SLIT3: variants seen among roughly 807,000 people sequenced by gnomAD.
SLIT3 encodes the protein slit guidance ligand 3.
In SLIT3, 68 loss-of-function variants were observed where a neutral mutation model predicts 184.0. The ratio of observed to expected loss-of-function variants is 0.37; its 90% confidence interval spans 0.30 to 0.45. The LOEUF (loss-of-function observed/expected upper bound fraction) is 0.45. SLIT3 is among the 20% of genes least tolerant of loss of function. The pLI is 1.00. For missense variants in SLIT3, 1,707 were observed against 2,026.0 expected (o/e 0.84, Z 3.02); for synonymous variants, 831 against 828.6 (o/e 1.00, Z -0.05).
At chr5:169,042,126 C>T (rs780554998) in intron 4 of SLIT3, among the ~76,000 whole-genome samples, 3 of 152,130 alleles carry the variant, frequency 2.0e-5, no homozygotes, top group Non-Finnish European at 4.4e-5. Context: ...TAGAACGGTC[C>T]AGTTCATAAG....
chr5:169,076,703 ACT>A (rs1758757064), intron 4 of SLIT3, among the ~76,000 whole-genome samples: 1 of 151,770 alleles, frequency 6.6e-6, no homozygotes, highest in African/African-American at 2.4e-5. Context: ...GTCCTTGAAA[ACT>A]CTAGAACTGG....
chr5:169,166,971 A>G (rs923007742), intron 4 of SLIT3, among the ~76,000 whole-genome samples: 13 of 152,074 alleles, frequency 8.5e-5, no homozygotes, highest in Admixed American at 7.2e-4. Context: ...GTTTGAGAAA[A>G]GCCTGAGCAA....
chr5:169,187,430 C>T (rs1215815110), intron 4 of SLIT3, among the ~76,000 whole-genome samples: 1 of 152,032 alleles, frequency 6.6e-6, no homozygotes, highest in African/African-American at 2.4e-5. Context: ...AGTTTTAAAC[C>T]ATTACCAAAT....
intron 4 of SLIT3, among the ~76,000 whole-genome samples, chr5:169,106,894 C>T (rs1760233423): frequency 6.6e-6 from 1 of 152,202 alleles, no homozygotes; most frequent in Admixed American, 6.5e-5. Flanking sequence ...CAGTAGTACC[C>T]TGTAGAATCT....
intron 4 of SLIT3, among the ~76,000 whole-genome samples, chr5:168,899,941 G>A (rs1760809314): frequency 1.3e-5 from 2 of 152,130 alleles, no homozygotes; most frequent in South Asian, 2.1e-4. Context: ...CTGAGGAATG[G>A]TGGCTCCACA....
Position 168,868,641 on chromosome 5 carries a change from G to A in SLIT3, c.485+14624C>T, listed in dbSNP as rs1396546231. Reference sequence around the variant, plus strand: ...CGGGCACCTGTAATCCTAGCTACTCGGGAGACTGAGGCAGGAGAATCTTTT... The same window carrying A: ...CGGGCACCTGTAATCCTAGCTACTCAGGAGACTGAGGCAGGAGAATCTTTT... On this transcript the variant is annotated intron_variant, in intron 5 of 35. Transcript: ENST00000519560. Among the ~76,000 whole-genome samples, 10 of 151,374 alleles carry A rather than the reference G, an allele frequency of 6.6e-5. 2 individuals are homozygous for A. The highest frequency in any genetic ancestry group is 5.8e-4 in the East Asian group (3 of 5,136).
chr5:169,100,396 T>G (rs1759964515), intron 4 of SLIT3, among the ~76,000 whole-genome samples: 1 of 151,982 alleles, frequency 6.6e-6, no homozygotes, highest in Non-Finnish European at 1.5e-5. Context: ...TACCTATTAG[T>G]CAAATGGGGA....
At chr5:168,795,975 A>G (rs961292895) in intron 9 of SLIT3, among the ~76,000 whole-genome samples, 1 of 152,232 alleles carries the variant, frequency 6.6e-6, no homozygotes, top group Non-Finnish European at 1.5e-5. Context: ...AGCAATGCTT[A>G]TCTGTCATGG....
intron 4 of SLIT3, among the ~76,000 whole-genome samples, chr5:169,098,722 T>C (rs910182134): frequency 3.3e-5 from 5 of 152,024 alleles, no homozygotes; most frequent in African/African-American, 1.2e-4. Flanking sequence ...GATGAAGACG[T>C]CATTTGATCA....
chr5:169,179,651 C>T (rs907572383), intron 4 of SLIT3, among the ~76,000 whole-genome samples: 2 of 151,854 alleles, frequency 1.3e-5, no homozygotes, highest in African/African-American at 2.4e-5. Context: ...TAGTTTTATT[C>T]TCATTTGTGT....
At chr5:168,684,918 C>T (rs776408297) in intron 31 of SLIT3, among the ~76,000 whole-genome samples, 10 of 152,016 alleles carry the variant, frequency 6.6e-5, no homozygotes, top group Admixed American at 1.3e-4. Flanking sequence ...GAATCTCTTG[C>T]GGGTGGGGCC....
In SLIT3 at chr5:169,196,995, A is replaced by G. The variant is rs78935883; in HGVS notation, c.342-3445T>C. ...AACCAACACTCCATTCCAGGCAAAA[A>G]TCCTAAAACCCAGCTTGCTGCTGTC... On this transcript the variant is annotated intron_variant, in intron 3 of 35. Coordinates refer to ENST00000519560, the MANE Select transcript of SLIT3 (RefSeq NM_003062.4). Among the ~76,000 whole-genome samples, 1,146 of 152,184 alleles carry G rather than the reference A, an allele frequency of 7.5e-3. 30 individuals are homozygous for G. Among genetic ancestry groups the G allele is most frequent in the East Asian group, 0.049 (256 of 5,182 alleles).
intron 4 of SLIT3, among the ~76,000 whole-genome samples, chr5:168,975,460 C>G (rs376315189): frequency 6.6e-6 from 1 of 152,040 alleles, no homozygotes; most frequent in East Asian, 1.9e-4. Context: ...CAGACACCCC[C>G]CCACACACAC....
At chr5:168,956,875 C>A (rs1762844317) in intron 4 of SLIT3, among the ~76,000 whole-genome samples, 1 of 151,918 alleles carries the variant, frequency 6.6e-6, no homozygotes, top group Non-Finnish European at 1.5e-5. Flanking sequence ...CCTAATTTTA[C>A]CTCATCCCAG....
intron 23 of SLIT3, among the ~76,000 whole-genome samples, chr5:168,714,514 C>G (rs1389866096): frequency 6.6e-6 from 1 of 152,146 alleles, no homozygotes; most frequent in Non-Finnish European, 1.5e-5. Context: ...ACCCAGGAGG[C>G]AGAGGTTACA....
intron 3 of SLIT3, among the ~76,000 whole-genome samples, chr5:169,194,868 G>T (rs1050986104): frequency 6.6e-6 from 1 of 152,184 alleles, no homozygotes; most frequent in Admixed American, 6.5e-5. Flanking sequence ...CTCCATGAAG[G>T]CTGCTTTCTT....
intron 1 of SLIT3, among the ~76,000 whole-genome samples, chr5:169,294,519 G>A (rs757806385): frequency 3.3e-5 from 5 of 152,230 alleles, no homozygotes; most frequent in African/African-American, 4.8e-5. Context: ...AGGCAGGCAA[G>A]GAAGTCGCTT....
chr5:169,080,074 TAAGGACAA>T lies in SLIT3; in HGVS notation c.413+113397_413+113404del, dbSNP rs938684868. 1.2e-4 allele frequency among the ~76,000 whole-genome samples: 19 copies of T among 152,026 alleles called. No homozygotes were observed. In the East Asian group the frequency reaches 3.1e-3, roughly 25 times the overall value. On this transcript the variant is annotated intron_variant, in intron 4 of 35. Coordinates refer to ENST00000519560, the MANE Select transcript of SLIT3 (RefSeq NM_003062.4). Reference sequence around the variant, plus strand: ...GAGAGAGATGGGCTCAACTCCAATATAAGGACAAGTGGACATGTATAGCTAAGGAGCAG... The same window carrying T: ...GAGAGAGATGGGCTCAACTCCAATATGTGGACATGTATAGCTAAGGAGCAG...
chr5:169,121,970 C>T (rs767299997), intron 4 of SLIT3, among the ~76,000 whole-genome samples: 3 of 152,240 alleles, frequency 2.0e-5, no homozygotes, highest in Non-Finnish European at 2.9e-5. Context: ...TCATAAGCTG[C>T]CCTGGGACAC....
Sources: gnomAD v4.1 joint callset for allele counts (sites outside exome capture counted in the v4.1 genomes callset) on GRCh38, gnomAD v4.1.1 for gene constraint, MANE v1.5 for transcripts, NCBI Gene and HGNC (gene_info 2026-07-23, HGNC 2026-07-21) for gene names.